The following BRWD1 variants were observed in gnomAD, a reference collection of about 807,000 sequenced individuals.
The protein encoded by BRWD1 is bromodomain and WD repeat domain containing 1.
In BRWD1, 82 loss-of-function variants were observed where a neutral mutation model predicts 251.2. The ratio of observed to expected loss-of-function variants is 0.33; its 90% confidence interval spans 0.27 to 0.39. The LOEUF is 0.39. Ranked by LOEUF, BRWD1 falls within the 10% of genes least tolerant of loss-of-function variation. BRWD1 has a pLI of 1.00. For synonymous variants in BRWD1, 918 were observed against 902.8 expected (o/e 1.02, Z -0.30); for missense variants, 2,233 against 2,711.6 (o/e 0.82, Z 3.92).
At chr21:39,272,305 T>TTAAAAA (rs1445570866) in intron 13 of BRWD1, among the ~76,000 whole-genome samples, 2 of 110,106 alleles carry the variant, frequency 1.8e-5, no homozygotes, top group African/African-American at 6.4e-5. Context: ...AAAACTTAAA[T>TTAAAAA]AAATAAAAAA....
At position 39,224,457 on chromosome 21, in the gene BRWD1, A is replaced by G; in HGVS notation, c.3333T>C (p.Thr1111=). 6.2e-7 allele frequency: 1 copy of G among 1,600,220 alleles called. No individual in the cohort carries two copies. Among genetic ancestry groups the G allele is most frequent in the Non-Finnish European group, 8.5e-7 (1 of 1,171,592 alleles). ...FQCYIVRWDN[T]EIEKLSPWDM... ...CCCATGGGCTAAGTTTTTCAATTTC[A>G]GTATTATCCCACCTGTTAAAAAACA... The change falls in exon 29 of 41, where the codon ACT becomes ACC. Residue 1111 remains threonine, a synonymous_variant. Coordinates refer to ENST00000342449, the MANE Select transcript of BRWD1 (RefSeq NM_033656.4).
chr21:39,240,788 A>ATT (rs2033961444), intron 21 of BRWD1, among the ~76,000 whole-genome samples: 1 of 152,356 alleles, frequency 6.6e-6, no homozygotes, highest in Non-Finnish European at 1.5e-5. Flanking sequence ...AAGAAGGATA[A>ATT]ATAACTTTTG....
At chr21:39,251,386 CAAG>C (rs1048200007) in intron 19 of BRWD1, among the ~76,000 whole-genome samples, 11 of 152,160 alleles carry the variant, frequency 7.2e-5, no homozygotes, top group East Asian at 1.9e-4. Flanking sequence ...GACCTGCCAC[CAAG>C]AAGAAGGTAC....
At chr21:39,206,924 A>G (rs546030656) in intron 36 of BRWD1, among the ~76,000 whole-genome samples, 1 of 152,374 alleles carries the variant, frequency 6.6e-6, no homozygotes, top group South Asian at 2.1e-4. Flanking sequence ...AAATAAGTGC[A>G]AAAGTCTAAT....
Position 39,295,912 on chromosome 21 carries a change from T to G in BRWD1, c.449-9A>C. 1 of 1,564,006 alleles carries G rather than the reference T, an allele frequency of 6.4e-7. No individual in the cohort carries two copies. Among genetic ancestry groups the G allele is most frequent in the Non-Finnish European group, 8.7e-7 (1 of 1,153,684 alleles). On this transcript the variant is annotated splice_polypyrimidine_tract_variant and intron_variant, in intron 6 of 40. Coordinates refer to ENST00000342449, the MANE Select transcript of BRWD1 (RefSeq NM_033656.4). The stretch of plus-strand genomic sequence containing the variant: ...TCCTCGATGTATCTCCACTAGGAAA[T>G]AAAAACAATGAAAATGGTTAAGGGA...
Position 39,212,716 on chromosome 21 carries a change from A to G in BRWD1, c.3859-9T>C. 1.3e-6 allele frequency: 2 copies of G among 1,556,880 alleles called. No homozygotes were observed. The highest frequency in any genetic ancestry group is 1.8e-6 in the Non-Finnish European group (2 of 1,133,856). On this transcript the variant is annotated splice_polypyrimidine_tract_variant and intron_variant, in intron 33 of 40. Transcript: ENST00000342449. ...GGAAGATCACTATCATCCTAGGAAT[A>G]AAATCAGAGCACCTTAAGTATTTAG... is the stretch of plus-strand genomic sequence containing the variant.
At position 39,218,532 on chromosome 21, in the gene BRWD1, T is replaced by C. The variant is rs778122772; in HGVS notation, c.3511A>G (p.Ser1171Gly). ...AGATTCAAAAGTTGATCTATACCAC[T>C]GATAATTCTATCACATTCTTCATCT... ...SRDEECDRII[S>G]GIDQLLNLDI... The change falls in exon 30 of 41, where the codon AGT becomes GGT. Residue 1171 changes from serine (S) to glycine (G), a missense_variant. By Grantham distance (56) the Ser-to-Gly change is moderately conservative (BLOSUM62 0). Around this residue, in one of 12 missense-constraint regions of BRWD1, gnomAD observed 167 missense variants for 183.2 expected, o/e 0.91. Transcript: ENST00000342449. The C allele has an allele frequency of 1.2e-6, 2 of 1,607,254 alleles. No individual in the cohort carries two copies. The highest frequency in any genetic ancestry group is 1.7e-6 in the Non-Finnish European group (2 of 1,178,428).
At position 39,236,583 on chromosome 21, in the gene BRWD1, C is replaced by G. The variant is rs574256867; in HGVS notation, c.2766+12G>C. 1.3e-6 allele frequency: 2 copies of G among 1,565,930 alleles called. No homozygotes were observed. Among genetic ancestry groups the G allele is most frequent in the Admixed American group, 1.9e-5 (1 of 52,686 alleles). On this transcript the variant is annotated intron_variant, in intron 23 of 40. Transcript: ENST00000342449. ...ATGATACATGCTATTTTTAAAGATA[C>G]GTTTTTCTTACCTCCTTCTTAGGCT... is the stretch of plus-strand genomic sequence containing the variant.
At position 39,199,115 on chromosome 21, in the gene BRWD1, A is replaced by G; in HGVS notation, c.5301T>C (p.His1767=). ...EEDSKSHDSD[H]ACNRTAGPST... is the part of the protein sequence containing the mutation. ...ATGGGCCAGCAGTTCTGTTACATGC[A>G]TGATCTGAATCATGACTTTTAGAGT... The change falls in exon 40 of 41, where the codon CAT becomes CAC. Residue 1767 remains histidine (H), a synonymous_variant. Transcript: ENST00000342449. 6.2e-7 allele frequency: 1 copy of G among 1,614,000 alleles called. No homozygotes were observed. The highest frequency in any genetic ancestry group is 1.3e-5 in the African/African-American group (1 of 74,988).
At chr21:39,302,342 A>G (rs1200518966) in intron 4 of BRWD1, among the ~76,000 whole-genome samples, 1 of 152,208 alleles carries the variant, frequency 6.6e-6, no homozygotes, top group Non-Finnish European at 1.5e-5. Context: ...AAATTACCAC[A>G]AATAGGTCCC....
Position 39,313,594 on chromosome 21 carries a change from G to GCCGCCA in BRWD1, c.-104_-103insTGGCGG. ...CGTCCCCTCTTCTCAGGCGCGCGCC[G>GCCGCCA]CCGCCGCCGCCGCCGCCGCCATACC... is the stretch of plus-strand genomic sequence containing the variant. On this transcript the variant is annotated 5_prime_UTR_variant, in exon 1 of 41. Transcript: ENST00000342449. 1.3e-6 allele frequency: 1 copy of GCCGCCA among 777,268 alleles called. No homozygotes were observed. Among genetic ancestry groups the GCCGCCA allele is most frequent in the Non-Finnish European group, 1.7e-6 (1 of 587,146 alleles). 48.1% of individuals were successfully genotyped at this position (777,268 alleles called of 1,614,324 possible).
At chr21:39,226,264 C>A (rs2033378669) in intron 27 of BRWD1, among the ~76,000 whole-genome samples, 1 of 152,078 alleles carries the variant, frequency 6.6e-6, no homozygotes, top group Non-Finnish European at 1.5e-5. Context: ...TTCAAATAAA[C>A]CTACTTTGGC....
At chr21:39,217,884 C>A (rs2033020603) in intron 31 of BRWD1, among the ~76,000 whole-genome samples, 1 of 151,602 alleles carries the variant, frequency 6.6e-6, no homozygotes, top group African/African-American at 2.4e-5. Flanking sequence ...TGAAAGTTTA[C>A]TGAAATAAGT....
At chr21:39,319,262 C>T (rs2036726399) in intron 1 of BRWD1, among the ~76,000 whole-genome samples, 1 of 152,180 alleles carries the variant, frequency 6.6e-6, no homozygotes. Flanking sequence ...CTTGTCCCTG[C>T]CTTCCTCAGC....
At position 39,192,721 on chromosome 21, in the gene BRWD1, T is replaced by C. The variant is rs1261729352; in HGVS notation, c.*3538A>G. 1 of 985,052 alleles carries C rather than the reference T, an allele frequency of 1.0e-6. No homozygotes were observed. The highest frequency in any genetic ancestry group is 1.7e-5 in the African/African-American group (1 of 57,214). 61.0% of individuals were successfully genotyped at this position (985,052 alleles called of 1,614,324 possible). A position where few individuals can be genotyped will look rare whatever the true frequency, so the allele number is the denominator to read the frequency against. Reference sequence around the variant, plus strand: ...GACCATTTTCTAGCCATTTAAAAGTTACTCAAAAAATTGATACAATGGAGT... The same window carrying C: ...GACCATTTTCTAGCCATTTAAAAGTCACTCAAAAAATTGATACAATGGAGT... On this transcript the variant is annotated 3_prime_UTR_variant, in exon 41 of 41. Coordinates refer to ENST00000342449, the MANE Select transcript of BRWD1 (RefSeq NM_033656.4).
chr21:39,280,328 C>G, intron 8 of BRWD1, 80 bp from the exon 9 acceptor site: 1 of 1,073,638 alleles, frequency 9.3e-7, no homozygotes, highest in Non-Finnish European at 1.4e-6. Context: ...AACTTAACTT[C>G]AATTGACAGT....
chr21:39,233,297 C>T (rs1458731797), intron 23 of BRWD1, among the ~76,000 whole-genome samples: 1 of 152,162 alleles, frequency 6.6e-6, no homozygotes, highest in African/African-American at 2.4e-5. Context: ...CCAGTCAAAT[C>T]AGCTCCCAGT....
Position 39,196,670 on chromosome 21 carries a change from A to C in BRWD1, c.6399T>G (p.Pro2133=). 6.2e-7 allele frequency: 1 copy of C among 1,613,912 alleles called. No individual in the cohort carries two copies. Among genetic ancestry groups the C allele is most frequent in the Non-Finnish European group, 8.5e-7 (1 of 1,179,872 alleles). Residue 2133 remains proline (P), a synonymous_variant, in exon 41 of 41, where the codon CCT becomes CCG. Transcript: ENST00000342449. ...CAGAGATTTTCACATTTTCCAATTCAGGATGCGATCTCTTCCTTTTTACTT... is the reference window on the plus strand; with the variant it reads ...CAGAGATTTTCACATTTTCCAATTCCGGATGCGATCTCTTCCTTTTTACTT... ...EKEVKRKRSH[P]ELENVKISET...
intron 26 of BRWD1, 46 bp from the exon 27 acceptor site, chr21:39,228,628 T>G: frequency 3.2e-5 from 36 of 1,111,554 alleles, no homozygotes; most frequent in Non-Finnish European, 4.4e-5. Context: ...CATAGCAGGT[T>G]ATATAGTCTA....
Sources: allele counts gnomAD v4.1 joint callset (sites outside exome capture counted in the v4.1 genomes callset), GRCh38; gene constraint gnomAD v4.1.1; regional missense constraint gnomAD v4.1.1; transcripts MANE v1.5; gene names NCBI Gene and HGNC (gene_info 2026-07-23, HGNC 2026-07-21).